The following CDH18 variants were observed in gnomAD, a reference collection of about 807,000 sequenced individuals.
CDH18 encodes the protein cadherin-18.
A neutral mutation model predicts 67.9 loss-of-function variants in CDH18; 31 were observed. The observed-to-expected ratio is 0.46, with a 90% CI of 0.34 to 0.62. The LOEUF (loss-of-function observed/expected upper bound fraction) is 0.62, where lower values mean the gene tolerates loss of function less well. CDH18 is among the 20% of genes least tolerant of loss of function. The probability of loss-of-function intolerance (pLI) is 0.01; values close to 1 mark genes in which losing one functional copy is unlikely to be tolerated. For missense variants in CDH18, 890 were observed against 975.5 expected (o/e 0.91, Z 1.17); for synonymous variants, 362 against 347.2 (o/e 1.04, Z -0.48).
At chr5:19,576,399 A>G (rs1742322546) in intron 7 of CDH18, among the ~76,000 whole-genome samples, 1 of 152,100 alleles carries the variant, frequency 6.6e-6, no homozygotes, top group Non-Finnish European at 1.5e-5. Context: ...CTCAAAAAAA[A>G]AATACAAATC....
chr5:19,681,895 T>C (rs1760387470), intron 5 of CDH18, among the ~76,000 whole-genome samples: 1 of 152,094 alleles, frequency 6.6e-6, no homozygotes, highest in Non-Finnish European at 1.5e-5. Flanking sequence ...ATTATTTTGC[T>C]ACTTCCCCTT....
intron 4 of CDH18, among the ~76,000 whole-genome samples, chr5:19,736,088 A>G (rs942388331): frequency 3.3e-5 from 5 of 152,246 alleles, no homozygotes; most frequent in African/African-American, 7.2e-5. Flanking sequence ...GTATCTCTGA[A>G]TAAAGCACTT....
At chr5:20,089,999 C>G (rs192119736) in intron 2 of CDH18, among the ~76,000 whole-genome samples, 9 of 152,108 alleles carry the variant, frequency 5.9e-5, no homozygotes, top group Admixed American at 5.9e-4. Flanking sequence ...TTGAAATACT[C>G]GCTTATGGAA....
chr5:20,419,456 G>T (rs980267347), intron 1 of CDH18, among the ~76,000 whole-genome samples: 1 of 137,956 alleles, frequency 7.2e-6, no homozygotes, highest in Non-Finnish European at 1.5e-5. Context: ...CAGGGTATGG[G>T]ACTCTGTTTT....
chr5:19,621,216 G>GATT (rs1392006857), intron 5 of CDH18, among the ~76,000 whole-genome samples: 4 of 140,418 alleles, frequency 2.8e-5, no homozygotes, highest in Non-Finnish European at 4.6e-5. Flanking sequence ...AAGAACCCAG[G>GATT]TTTTTTTTTT....
At chr5:20,240,747 T>G (rs564325854) in intron 2 of CDH18, among the ~76,000 whole-genome samples, 294 of 152,344 alleles carry the variant, frequency 1.9e-3, no homozygotes, top group African/African-American at 6.5e-3. Flanking sequence ...CAGTGAGCAC[T>G]GAGGATGTAT....
rs182949462 is a variant in CDH18, at chr5:20,004,313, C to A, written c.-517-12299G>T. Among the ~76,000 whole-genome samples the A allele has an allele frequency of 6.9e-4, 105 of 152,294 alleles. 1 individual carries two copies. In the South Asian group the frequency reaches 1.0e-2, roughly 14 times the overall value. On this transcript the variant is annotated intron_variant, in intron 2 of 14. Coordinates refer to the CDH18 transcript ENST00000507958. ...CAAAGAGTATTACATCAAGGTGAAACCTTCACTATTTTAGCAACTGGGCAT... is the reference window on the plus strand; with the variant it reads ...CAAAGAGTATTACATCAAGGTGAAAACTTCACTATTTTAGCAACTGGGCAT...
intron 1 of CDH18, among the ~76,000 whole-genome samples, chr5:20,334,350 G>A (rs1000312902): frequency 1.8e-4 from 28 of 151,362 alleles, no homozygotes; most frequent in Admixed American, 7.2e-4. Context: ...TGTTAGCCAG[G>A]ATGGTCTCGA....
At chr5:20,288,365 C>T (rs1746845919) in intron 1 of CDH18, among the ~76,000 whole-genome samples, 1 of 151,394 alleles carries the variant, frequency 6.6e-6, no homozygotes, top group Non-Finnish European at 1.5e-5. Context: ...TAGCATGTCC[C>T]TTTTAATTTC....
intron 2 of CDH18, among the ~76,000 whole-genome samples, chr5:19,879,003 C>T (rs1203292578): frequency 1.3e-5 from 2 of 151,784 alleles, no homozygotes. Flanking sequence ...TTCATGCATT[C>T]AAATATCTAC....
intron 2 of CDH18, among the ~76,000 whole-genome samples, chr5:19,962,116 T>A (rs1796961968): frequency 6.6e-6 from 1 of 151,950 alleles, no homozygotes; most frequent in Non-Finnish European, 1.5e-5. Context: ...AATATTGTCA[T>A]AATTTAGTAT....
intron 1 of CDH18, among the ~76,000 whole-genome samples, chr5:20,444,433 G>A (rs2150196156): frequency 6.6e-6 from 1 of 152,288 alleles, no homozygotes; most frequent in South Asian, 2.1e-4. Flanking sequence ...CTACTTGGGA[G>A]GCTGATGAGG....
intron 2 of CDH18, among the ~76,000 whole-genome samples, chr5:20,179,941 G>C (rs769151465): frequency 2.6e-5 from 4 of 152,106 alleles, no homozygotes; most frequent in African/African-American, 9.7e-5. Flanking sequence ...TAGAAGCAAT[G>C]CTGGTGTACA....
intron 1 of CDH18, among the ~76,000 whole-genome samples, chr5:20,530,050 C>CA (rs1372259671): frequency 6.6e-6 from 1 of 151,944 alleles, no homozygotes; most frequent in African/African-American, 2.4e-5. Flanking sequence ...TCTCAGGAGA[C>CA]AAAATCAATG....
chr5:19,721,826 A>G (rs1766141739), intron 4 of CDH18, among the ~76,000 whole-genome samples: 1 of 152,196 alleles, frequency 6.6e-6, no homozygotes, highest in South Asian at 2.1e-4. Context: ...CAGTTAAATC[A>G]GAGTTATGAT....
intron 2 of CDH18, among the ~76,000 whole-genome samples, chr5:20,169,631 T>C (rs1184636172): frequency 1.3e-5 from 2 of 152,166 alleles, no homozygotes; most frequent in Non-Finnish European, 2.9e-5. Flanking sequence ...TTTAGCTCTT[T>C]ATCCATCTCA....
intron 6 of CDH18, among the ~76,000 whole-genome samples, chr5:19,611,983 T>TGTGTGC (rs1749045786): frequency 6.6e-6 from 1 of 151,838 alleles, no homozygotes; most frequent in African/African-American, 2.4e-5. Flanking sequence ...TGTGTGTGTG[T>TGTGTGC]GTGCATACAT....
chr5:19,532,502 T>C (rs1748790545), intron 9 of CDH18, among the ~76,000 whole-genome samples: 1 of 152,230 alleles, frequency 6.6e-6, no homozygotes, highest in Admixed American at 6.5e-5. Flanking sequence ...TGTGAGTGCC[T>C]GGGTTTGTAT....
chr5:20,148,780 T>A (rs1006591966), intron 2 of CDH18, among the ~76,000 whole-genome samples: 1 of 152,132 alleles, frequency 6.6e-6, no homozygotes, highest in Non-Finnish European at 1.5e-5. Flanking sequence ...CCTGCATGCA[T>A]TGACTCAAGA....
Sources: allele counts gnomAD v4.1 joint callset (sites outside exome capture counted in the v4.1 genomes callset), GRCh38; gene constraint gnomAD v4.1.1; transcripts MANE v1.5; gene names NCBI Gene and HGNC (gene_info 2026-07-23, HGNC 2026-07-21).